The following COPB2 variants were observed in gnomAD, a reference collection of about 807,000 sequenced individuals.
The protein encoded by COPB2 is coat protein complex I subunit beta 2, also known as coatomer subunit beta'.
COPB2 carries 16 observed loss-of-function variants against 120.8 expected under a neutral mutation model. That is an observed-to-expected ratio of 0.13 (90% CI 0.09 to 0.20). The LOEUF is 0.20. Ranked by LOEUF, COPB2 falls within the 10% of genes least tolerant of loss-of-function variation. The probability of loss-of-function intolerance (pLI) is 1.00; values close to 1 mark genes in which losing one functional copy is unlikely to be tolerated. For missense variants in COPB2, 794 were observed against 1,076.5 expected (o/e 0.74, Z 3.67); for synonymous variants, 332 against 366.3 (o/e 0.91, Z 1.07).
At chr3:139,363,020 C>G in intron 15 of COPB2, among the ~76,000 whole-genome samples, 1 of 152,152 alleles carries the variant, frequency 6.6e-6, no homozygotes, top group East Asian at 1.9e-4. Context: ...AAACGGGAGT[C>G]AAATATAAAA....
rs1429466728 is a variant in COPB2, at chr3:139,359,144, CTT to C, written c.2336_2337del (p.Lys779SerfsTer11). The C allele has an allele frequency of 6.2e-7, 1 of 1,613,732 alleles. No individual in the cohort carries two copies. Among genetic ancestry groups the C allele is most frequent in the African/African-American group, 1.3e-5 (1 of 74,860 alleles). ...VVKLWRENLS[K>X]VNQKAAESLA... ...AGGGATTCTGCTGCTTTCTGATTGA[CTT>C]TTGAGAGATTCTCTCTCCAGAGTTT... On this transcript the variant is annotated frameshift_variant, in exon 19 of 22. Coordinates refer to ENST00000333188, the MANE Select transcript of COPB2 (RefSeq NM_004766.3). LOFTEE classifies it high-confidence loss of function.
chr3:139,376,751 AATTT>A (rs1166687459), intron 5 of COPB2, among the ~76,000 whole-genome samples: 7 of 152,096 alleles, frequency 4.6e-5, no homozygotes, highest in South Asian at 2.1e-4. Context: ...TTAATTAATT[AATTT>A]ATTTATTTAT....
intron 5 of COPB2, 78 bp from the exon 6 acceptor site, chr3:139,375,692 A>T: frequency 4.8e-6 from 7 of 1,451,660 alleles, no homozygotes; most frequent in Non-Finnish European, 6.5e-6. Flanking sequence ...TTTCTGACAC[A>T]TTATGTAAAA....
At position 139,369,560 on chromosome 3, in the gene COPB2, G is replaced by A. The variant is rs202089208; in HGVS notation, c.1206-16C>T. The A allele has an allele frequency of 6.6e-7, 1 of 1,511,290 alleles. No individual in the cohort carries two copies. Among genetic ancestry groups the A allele is most frequent in the Admixed American group, 1.8e-5 (1 of 55,264 alleles). The allele number at this position is 1,511,290 out of a possible 1,614,324, so 93.6% of individuals were successfully genotyped here. ...TATTGCATACCTGGGAGAAAAAAGG[G>A]AAGGCAAACATAACATGTTATATAC... On this transcript the variant is annotated splice_polypyrimidine_tract_variant and intron_variant, in intron 10 of 21. Coordinates refer to ENST00000333188, the MANE Select transcript of COPB2 (RefSeq NM_004766.3).
chr3:139,365,083 A>G (rs1941490473), intron 15 of COPB2, among the ~76,000 whole-genome samples: 1 of 152,196 alleles, frequency 6.6e-6, no homozygotes, highest in Non-Finnish European at 1.5e-5. Flanking sequence ...TTCCAGAAAG[A>G]CAGAATACAG....
At chr3:139,383,105 T>C (rs1269676240) in intron 2 of COPB2, 193 bp downstream of exon 2, 4 of 645,596 alleles carry the variant, frequency 6.2e-6, no homozygotes, top group African/African-American at 1.8e-5. Flanking sequence ...GTATATAACA[T>C]ACCCAGGACA....
intron 1 of COPB2, among the ~76,000 whole-genome samples, chr3:139,386,859 C>G: frequency 6.6e-6 from 1 of 151,824 alleles, no homozygotes; most frequent in South Asian, 2.1e-4. Flanking sequence ...CTCTGAGCAA[C>G]CCCAGTAAAC....
chr3:139,378,483 T>A (rs1941755461), intron 4 of COPB2, among the ~76,000 whole-genome samples: 1 of 152,298 alleles, frequency 6.6e-6, no homozygotes, highest in East Asian at 1.9e-4. Context: ...AAGAGTAATA[T>A]AAGTTTGACT....
intron 2 of COPB2, chr3:139,382,548 A>G (rs1268500930): frequency 6.6e-6 from 1 of 152,268 alleles, no homozygotes; most frequent in Non-Finnish European, 1.5e-5. Flanking sequence ...TAAAAGTATA[A>G]AGGTGTTTTT....
At chr3:139,371,330 A>G (rs757962563) in intron 10 of COPB2, among the ~76,000 whole-genome samples, 1 of 152,244 alleles carries the variant, frequency 6.6e-6, no homozygotes, top group African/African-American at 2.4e-5. Context: ...ACTCCCAAGT[A>G]GCTCATAAAG....
At chr3:139,376,171 C>T (rs189282996) in intron 5 of COPB2, among the ~76,000 whole-genome samples, 124 of 152,258 alleles carry the variant, frequency 8.1e-4, no homozygotes, top group East Asian at 1.2e-3. Context: ...GCAGGAGGAT[C>T]GCTTTAGCCC....
chr3:139,383,465 G>A (rs1941852166), intron 1 of COPB2, 30 bp from the exon 2 acceptor site: 6 of 1,501,740 alleles, frequency 4.0e-6, no homozygotes, highest in Non-Finnish European at 5.3e-6. Context: ...AAATTAAATT[G>A]CTAAGCCAAA....
intron 21 of COPB2, 116 bp downstream of exon 21, chr3:139,358,084 C>T: frequency 1.9e-6 from 2 of 1,078,690 alleles, no homozygotes; most frequent in South Asian, 2.9e-5. Flanking sequence ...CTTCCCATTT[C>T]AAAGCCCCTG....
At chr3:139,359,427 C>G in intron 17 of COPB2, 65 bp from the exon 18 acceptor site, 1 of 1,480,874 alleles carries the variant, frequency 6.8e-7, no homozygotes, top group Non-Finnish European at 9.3e-7. Context: ...GTACTTAACA[C>G]AAAGTAAATT....
At chr3:139,371,299 A>G (rs940032234) in intron 10 of COPB2, among the ~76,000 whole-genome samples, 1 of 152,218 alleles carries the variant, frequency 6.6e-6, no homozygotes, top group Non-Finnish European at 1.5e-5. Flanking sequence ...TTTCTCATCA[A>G]AATGATCAAA....
chr3:139,364,960 A>G (rs764357555), intron 15 of COPB2, among the ~76,000 whole-genome samples: 2 of 152,232 alleles, frequency 1.3e-5, no homozygotes, highest in Non-Finnish European at 2.9e-5. Flanking sequence ...CAAAATCTAA[A>G]AACAGAAATA....
Position 139,378,140 on chromosome 3 carries a change from T to A in COPB2, c.405A>T (p.Ser135=), listed in dbSNP as rs771737152. 9.5e-6 allele frequency: 15 copies of A among 1,585,266 alleles called. No homozygotes were observed. The highest frequency in any genetic ancestry group is 1.3e-5 in the Non-Finnish European group (15 of 1,158,856). ...LWDWDKKWSC[S]QVFEGHTHYV... Reference sequence around the variant, plus strand: ...AATGGGTGTGTCCTTCAAACACTTGTGAGCAAGACCATTTTTTATCCCAGT... The same window carrying A: ...AATGGGTGTGTCCTTCAAACACTTGAGAGCAAGACCATTTTTTATCCCAGT... The change falls in exon 5 of 22, where the codon TCA becomes TCT. Residue 135 remains serine, a synonymous_variant. Transcript: ENST00000333188.
At position 139,370,229 on chromosome 3, in the gene COPB2, A is replaced by G. The variant is rs546362236; in HGVS notation, c.1206-685T>C. ...CATGGGGGATACGTTCTAAGCCCCA[A>G]TGGATGCCTGAAACCTCAGATAGTA... On this transcript the variant is annotated intron_variant, in intron 10 of 21. Coordinates refer to ENST00000333188, the MANE Select transcript of COPB2 (RefSeq NM_004766.3). Among the ~76,000 whole-genome samples the G allele has an allele frequency of 1.1e-4, 17 of 152,320 alleles. No homozygotes were observed. In the South Asian group the frequency reaches 2.5e-3, roughly 22 times the overall value.
At chr3:139,375,714 A>C (rs987323927) in intron 5 of COPB2, 100 bp from the exon 6 acceptor site, 6 of 1,309,328 alleles carry the variant, frequency 4.6e-6, no homozygotes, top group Non-Finnish European at 5.1e-6. Flanking sequence ...GCCAAAGCCC[A>C]GGAGAGAAGA....
Sources: allele counts gnomAD v4.1 joint callset (sites outside exome capture counted in the v4.1 genomes callset), GRCh38; gene constraint gnomAD v4.1.1; transcripts MANE v1.5; gene names NCBI Gene and HGNC (gene_info 2026-07-23, HGNC 2026-07-21).